The following CDIN1 variants were observed in gnomAD, a reference collection of about 807,000 sequenced individuals.
CDIN1 encodes CDAN1-interacting nuclease 1.
Under a neutral mutation model 45.3 loss-of-function variants are expected in CDIN1, and 33 were observed. The ratio of observed to expected loss-of-function variants is 0.73; its 90% CI spans 0.55 to 0.97. The LOEUF (loss-of-function observed/expected upper bound fraction) is 0.97. Among genes scored for constraint, CDIN1 ranks in the 50% least tolerant of loss-of-function variants. The probability of loss-of-function intolerance (pLI) is 0.00; values close to 1 mark genes in which losing one functional copy is unlikely to be tolerated. For missense variants in CDIN1, 303 were observed against 339.4 expected (o/e 0.89, Z 0.84); for synonymous variants, 118 against 124.4 (o/e 0.95, Z 0.34).
At position 36,588,680 on chromosome 15, in the gene CDIN1, G is replaced by GTAT. The variant is rs201387106; in HGVS notation, c.101+8733_101+8735dup. Reference sequence around the variant, plus strand: ...TTAGTGATCTTTTACATTTTTTTCTGTATTATTATTATTATTTTTTTACTT... The same window carrying GTAT: ...TTAGTGATCTTTTACATTTTTTTCTGTATTATTATTATTATTATTTTTTTACTT... On this transcript the variant is annotated intron_variant, in intron 1 of 10. Coordinates refer to ENST00000566621, the MANE Select transcript of CDIN1 (RefSeq NM_001321759.2). Among the ~76,000 whole-genome samples, 6 of 151,608 alleles carry GTAT rather than the reference G, an allele frequency of 4.0e-5. No individual in the cohort carries two copies. In the South Asian group the frequency reaches 6.2e-4, roughly 16 times the overall value.
intron 5 of CDIN1, among the ~76,000 whole-genome samples, chr15:36,677,473 G>A (rs984305): frequency 0.99 from 150,298 of 152,276 alleles, 74,200 homozygotes; most frequent in East Asian, 1. Context: ...TTTCTTTCTT[G>A]TCTTCTTAGG....
chr15:36,718,900 A>G (rs2043310943), intron 10 of CDIN1, among the ~76,000 whole-genome samples: 2 of 150,670 alleles, frequency 1.3e-5, no homozygotes, highest in East Asian at 2.0e-4. Context: ...TGATCTTAGA[A>G]GAAAGATTTT....
chr15:36,700,665 TG>T, intron 8 of CDIN1, among the ~76,000 whole-genome samples: 1 of 151,626 alleles, frequency 6.6e-6, no homozygotes. Flanking sequence ...AAGCCTGCTG[TG>T]GGCAGACACC....
chr15:36,603,916 C>CT (rs977284105), intron 1 of CDIN1, among the ~76,000 whole-genome samples: 38 of 151,616 alleles, frequency 2.5e-4, no homozygotes, highest in South Asian at 6.3e-4. Flanking sequence ...ATTGGTTAAA[C>CT]TTTTTTTTTG....
At chr15:36,728,282 C>G (rs948574831) in intron 10 of CDIN1, among the ~76,000 whole-genome samples, 2 of 152,082 alleles carry the variant, frequency 1.3e-5, no homozygotes, top group African/African-American at 4.8e-5. Context: ...CTTCTCCCAC[C>G]CCCCTACCAT....
At chr15:36,697,477 G>A (rs1013607710) in intron 8 of CDIN1, 87 bp downstream of exon 8, 2 of 1,069,044 alleles carry the variant, frequency 1.9e-6, no homozygotes, top group Non-Finnish European at 2.7e-6. Flanking sequence ...TAAAGGAAGA[G>A]TGAATGATGA....
intron 10 of CDIN1, chr15:36,734,293 G>A: frequency 6.0e-6 from 2 of 331,554 alleles, no homozygotes; most frequent in Non-Finnish European, 5.9e-6. Flanking sequence ...TAATTAACAT[G>A]TTCATGTACA....
At chr15:36,807,440 G>A (rs1208579744) in intron 10 of CDIN1, among the ~76,000 whole-genome samples, 1 of 152,084 alleles carries the variant, frequency 6.6e-6, no homozygotes, top group Non-Finnish European at 1.5e-5. Flanking sequence ...TAGGAAAAAC[G>A]TGAAACTGAT....
intron 10 of CDIN1, among the ~76,000 whole-genome samples, chr15:36,788,106 ATTTTTTTTTTT>A (rs1172040193): frequency 1.6e-4 from 8 of 50,528 alleles, no homozygotes; most frequent in African/African-American, 5.4e-4. Context: ...ATATATATAT[ATTTTTTTTTTT>A]TTTTTTTTTT....
intron 1 of CDIN1, among the ~76,000 whole-genome samples, chr15:36,589,594 C>T (rs1285964041): frequency 6.6e-6 from 1 of 152,048 alleles, no homozygotes; most frequent in African/African-American, 2.4e-5. Context: ...CAAGCTCCGC[C>T]TCCTGGGTTC....
At chr15:36,777,301 G>A (rs1427418588) in intron 10 of CDIN1, among the ~76,000 whole-genome samples, 3 of 151,522 alleles carry the variant, frequency 2.0e-5, no homozygotes, top group African/African-American at 7.3e-5. Flanking sequence ...CAGTTTCTAA[G>A]TAAATCTCTG....
intron 10 of CDIN1, among the ~76,000 whole-genome samples, chr15:36,772,778 T>C (rs2054112226): frequency 6.6e-6 from 1 of 152,206 alleles, no homozygotes; most frequent in Non-Finnish European, 1.5e-5. Flanking sequence ...TCTGATAGGA[T>C]CTGTTGAGCT....
intron 1 of CDIN1, among the ~76,000 whole-genome samples, chr15:36,582,283 G>A (rs967951352): frequency 1.3e-5 from 2 of 152,176 alleles, no homozygotes; most frequent in Non-Finnish European, 2.9e-5. Flanking sequence ...TCATACAAGT[G>A]CTTTCCTGGG....
rs573014654 is a variant in CDIN1 at position 36,701,874 on chromosome 15, T to A, written c.544+4484T>A. On this transcript the variant is annotated intron_variant, in intron 8 of 10. Coordinates refer to ENST00000566621, the MANE Select transcript of CDIN1 (RefSeq NM_001321759.2). ...AATCTGTAAAGCCAAATAGGCTTAG[T>A]GAAGGATGTCCCTTGTCGTAAGAAA... The A allele has an allele frequency of 5.2e-6, 3 of 577,402 alleles. No individual in the cohort carries two copies. The East Asian group carries it at 8.4e-5, about 16-fold the overall frequency. 35.8% of individuals were successfully genotyped at this position (577,402 alleles called of 1,614,324 possible). A position where few individuals can be genotyped will look rare whatever the true frequency, so the allele number is the denominator to read the frequency against.
intron 10 of CDIN1, among the ~76,000 whole-genome samples, chr15:36,796,201 T>C (rs1466227596): frequency 6.6e-6 from 1 of 152,152 alleles, no homozygotes; most frequent in African/African-American, 2.4e-5. Context: ...GATTCTACTG[T>C]TGGGTGGGGT....
chr15:36,636,586 G>A (rs138122432), intron 1 of CDIN1, among the ~76,000 whole-genome samples: 5 of 152,070 alleles, frequency 3.3e-5, no homozygotes, highest in African/African-American at 7.2e-5. Flanking sequence ...AGAACGTAAC[G>A]GAGATGAAAG....
intron 10 of CDIN1, among the ~76,000 whole-genome samples, chr15:36,748,169 G>A (rs1364210931): frequency 2.6e-5 from 4 of 152,134 alleles, no homozygotes; most frequent in East Asian, 1.9e-4. Flanking sequence ...TTGGATTCTT[G>A]TAAAGTTTGA....
At chr15:36,786,460 C>G (rs1171473124) in intron 10 of CDIN1, among the ~76,000 whole-genome samples, 2 of 152,184 alleles carry the variant, frequency 1.3e-5, no homozygotes, top group Non-Finnish European at 2.9e-5. Context: ...GGACACATCT[C>G]ATTGTGACAA....
rs111804062 is a variant in CDIN1, at chr15:36,701,102, A to G, written c.544+3712A>G. Among the ~76,000 whole-genome samples, 374 of 84,832 alleles carry G rather than the reference A, an allele frequency of 4.4e-3. 1 individual carries two copies. Among genetic ancestry groups the G allele is most frequent in the African/African-American group, 0.015 (296 of 19,944 alleles). The allele number at this position is 84,832 out of a possible 152,430, so 55.7% of individuals were successfully genotyped here. On this transcript the variant is annotated intron_variant, in intron 8 of 10. Coordinates refer to ENST00000566621, the MANE Select transcript of CDIN1 (RefSeq NM_001321759.2). ...AATAGGTAGGTAGGTAGGTAGGTAG[A>G]TAGATAGATAGATAGGTAGGTAGAT...
Sources: allele counts gnomAD v4.1 joint callset (sites outside exome capture counted in the v4.1 genomes callset), GRCh38; gene constraint gnomAD v4.1.1; transcripts MANE v1.5; gene names NCBI Gene and HGNC (gene_info 2026-07-23, HGNC 2026-07-21).